Variants in QRICH2 observed in about 807,000 individuals in gnomAD.
The protein encoded by QRICH2 is glutamine-rich protein 2.
A neutral mutation model predicts 168.3 loss-of-function variants in QRICH2; 119 were observed. The ratio of observed to expected loss-of-function variants is 0.71; its 90% CI spans 0.61 to 0.82. The LOEUF is 0.82. Among genes scored for constraint, QRICH2 ranks in the 40% least tolerant of loss-of-function variants. QRICH2 has a pLI of 0.00. For synonymous variants in QRICH2, 894 were observed against 951.2 expected (o/e 0.94, Z 1.11); for missense variants, 2,241 against 2,491.6 (o/e 0.90, Z 2.14).
At chr17:76,303,335 C>T (rs1598504865) in intron 3 of QRICH2, among the ~76,000 whole-genome samples, 1 of 152,260 alleles carries the variant, frequency 6.6e-6, no homozygotes, top group East Asian at 1.9e-4. Context: ...TTACTCTTCA[C>T]CCTGCTTCCG....
rs1026096018 is a variant in QRICH2 at position 76,276,003 on chromosome 17, G to C, written c.5354-56C>G. 3 of 1,585,440 alleles carry C rather than the reference G, an allele frequency of 1.9e-6. No homozygotes were observed. The East Asian group carries it at 6.7e-5, about 36-fold the overall frequency. On this transcript the variant is annotated intron_variant, in intron 17 of 18. Coordinates refer to ENST00000680821, the MANE Select transcript of QRICH2 (RefSeq NM_001388453.1). ...CTGAGGCAGCGGTGAGAGCTCTGTGGGAACCCCTGGGGGTGGGGAGAGGGC... is the reference window on the plus strand; with the variant it reads ...CTGAGGCAGCGGTGAGAGCTCTGTGCGAACCCCTGGGGGTGGGGAGAGGGC...
In QRICH2 at chr17:76,287,722, G is replaced by A. The variant is rs957829129; in HGVS notation, c.3896+78C>T. On this transcript the variant is annotated intron_variant, in intron 6 of 18. Transcript: ENST00000680821. ...GTGGTCCATTCAGGGGCATAAGGGAGCCACTGGCCGCCATCACCTCCTTGG... is the reference window on the plus strand; with the variant it reads ...GTGGTCCATTCAGGGGCATAAGGGAACCACTGGCCGCCATCACCTCCTTGG... The A allele has an allele frequency of 3.0e-5, 30 of 1,010,226 alleles. 1 individual carries two copies. Among genetic ancestry groups the A allele is most frequent in the Non-Finnish European group, 4.6e-5 (29 of 629,754 alleles). 62.6% of individuals were successfully genotyped at this position (1,010,226 alleles called of 1,614,324 possible).
intron 7 of QRICH2, among the ~76,000 whole-genome samples, chr17:76,285,942 G>A (rs1568111761): frequency 2.0e-5 from 3 of 152,136 alleles, no homozygotes; most frequent in Admixed American, 1.3e-4. Flanking sequence ...GGAGGCCAAG[G>A]CGGGCAGATC....
chr17:76,287,105 GT>G, intron 7 of QRICH2, 86 bp downstream of exon 7: 1 of 706,228 alleles, frequency 1.4e-6, no homozygotes, highest in Non-Finnish European at 2.5e-6. Flanking sequence ...GAGGGACCTA[GT>G]TTTTGATGAG....
In QRICH2 at chr17:76,280,965, G is replaced by A. The variant is rs1340041974; in HGVS notation, c.4264-12C>T. 2 of 1,606,080 alleles carry A rather than the reference G, an allele frequency of 1.2e-6. No homozygotes were observed. The highest frequency in any genetic ancestry group is 1.3e-5 in the African/African-American group (1 of 75,022). ...AGCAGCTCCTCGTCCTGCGGCAGGA[G>A]GGATGGGAAGGCTCTCGGAGGCTGC... On this transcript the variant is annotated splice_polypyrimidine_tract_variant and intron_variant, in intron 8 of 18. Transcript: ENST00000680821. The surrounding 1 kb of genome is among the most constrained non-coding windows in gnomAD (Gnocchi z 7.4).
In QRICH2 at chr17:76,307,940, G is replaced by A; in HGVS notation, c.59C>T (p.Pro20Leu). Residue 20 changes from proline to leucine, a missense_variant, in exon 1 of 19, where the codon CCA (proline) becomes CTA (leucine). By Grantham distance (98) the Pro-to-Leu change is moderately conservative. This residue lies in a region of QRICH2 where 2,047 missense variants were observed against 2,303.8 expected (regional missense o/e 0.89). Transcript: ENST00000680821. The surrounding 1 kb of genome is among the most constrained non-coding windows in gnomAD (Gnocchi z 5.3). ...RELADLSIGTPEVGAVNFTAL... is the reference protein window; with the variant it reads ...RELADLSIGTLEVGAVNFTAL... Reference sequence around the variant, plus strand: ...CGTGAAGTTGACGGCGCCCACCTCTGGCGTGCCGATGGAGAGGTCCGCCAG... The same window carrying A: ...CGTGAAGTTGACGGCGCCCACCTCTAGCGTGCCGATGGAGAGGTCCGCCAG... 1 of 1,235,922 alleles carries A rather than the reference G, an allele frequency of 8.1e-7. No individual in the cohort carries two copies. The highest frequency in any genetic ancestry group is 1.0e-6 in the Non-Finnish European group (1 of 990,032). 76.6% of individuals were successfully genotyped at this position (1,235,922 alleles called of 1,614,324 possible). A position where few individuals can be genotyped will look rare whatever the true frequency, so the allele number is the denominator to read the frequency against.
chr17:76,306,358 C>T (rs916634257), intron 1 of QRICH2, among the ~76,000 whole-genome samples: 2 of 152,052 alleles, frequency 1.3e-5, no homozygotes, highest in Non-Finnish European at 2.9e-5. Flanking sequence ...GGGGCTTGGC[C>T]TCTTCTTCCT....
At chr17:76,295,578 G>A (rs2070782360) in intron 3 of QRICH2, among the ~76,000 whole-genome samples, 2 of 152,108 alleles carry the variant, frequency 1.3e-5, no homozygotes, top group African/African-American at 2.4e-5. Flanking sequence ...AAAAGGCAGA[G>A]GATGCAGTGA....
rs150314480 is a variant in QRICH2 at position 76,292,418 on chromosome 17, C to A, written c.2309G>T (p.Gly770Val). 1.6e-5 allele frequency: 26 copies of A among 1,611,638 alleles called. No individual in the cohort carries two copies. The African/African-American group carries it at 3.2e-4, about 20-fold the overall frequency. ...GLVQPGADQH[G>V]LVQPGVDQHG... ...CTGATCCACTCCAGGTTGGACCAAA[C>A]CATGCTGATCTGCACCAGGTTGGAC... The change falls in exon 4 of 19, where the codon GGT (glycine) becomes GTT (valine). Residue 770 changes from glycine (G) to valine (V), a missense_variant. Physicochemically the swap from Gly to Val is moderately radical, Grantham distance 109 (BLOSUM62 -3). Around this residue, in one of 3 missense-constraint regions of QRICH2, gnomAD observed 2,047 missense variants for 2,303.8 expected, o/e 0.89. Transcript: ENST00000680821.
chr17:76,275,067 C>G (rs2143097204), intron 18 of QRICH2, among the ~76,000 whole-genome samples: 2 of 152,194 alleles, frequency 1.3e-5, no homozygotes, highest in South Asian at 4.1e-4. Context: ...GAGCATCTAG[C>G]CGAGGGGCAG....
chr17:76,294,075 G>T (rs958035147), intron 3 of QRICH2, 54 bp from the exon 4 acceptor site: 1 of 1,526,162 alleles, frequency 6.6e-7, no homozygotes, highest in Non-Finnish European at 8.8e-7. Context: ...CACTATCAGA[G>T]TGGGAAGAAA....
chr17:76,308,093 G>A lies in QRICH2; in HGVS notation c.-95C>T, dbSNP rs2071019637. On this transcript the variant is annotated 5_prime_UTR_variant, in exon 1 of 19. Transcript: ENST00000680821. ...CCTTGGGGCCTTTCGGGGGCCCTGC[G>A]AGGTCCTCGGGGCGCCCCTGCCCCG... The A allele has an allele frequency of 7.4e-6, 9 of 1,224,224 alleles. No homozygotes were observed. Among genetic ancestry groups the A allele is most frequent in the Non-Finnish European group, 9.1e-6 (9 of 984,060 alleles). 75.8% of individuals were successfully genotyped at this position (1,224,224 alleles called of 1,614,324 possible).
In QRICH2 at chr17:76,293,596, G is replaced by A. The variant is rs149890857; in HGVS notation, c.1131C>T (p.Pro377=). ...TTAGATGGACCTGACTCTGGCTAGC[G>A]GGCACACTACTGGGCTGGTCTCTGG... ...PLARDQPSSV[P]ASQSQVHLRP... Residue 377 remains proline (P), a synonymous_variant, in exon 4 of 19, where the codon CCC becomes CCT. Transcript: ENST00000680821. 41 of 1,614,046 alleles carry A rather than the reference G, an allele frequency of 2.5e-5. No homozygotes were observed. Among genetic ancestry groups the A allele is most frequent in the Middle Eastern group, 3.3e-4 (2 of 6,084 alleles).
chr17:76,298,181 A>ACTTTTTTTT (rs2070833635), intron 3 of QRICH2, among the ~76,000 whole-genome samples: 1 of 84,262 alleles, frequency 1.2e-5, no homozygotes, highest in African/African-American at 5.4e-5. Flanking sequence ...TTTCTGGCTA[A>ACTTTTTTTT]TTTTTTTTTT....
intron 3 of QRICH2, among the ~76,000 whole-genome samples, chr17:76,298,712 T>C (rs944771126): frequency 6.7e-6 from 1 of 150,238 alleles, no homozygotes; most frequent in Admixed American, 6.6e-5. Flanking sequence ...GCCTCCCGGG[T>C]TCAAGCGATT....
chr17:76,286,847 C>T (rs1231722740), intron 7 of QRICH2, among the ~76,000 whole-genome samples: 2 of 147,008 alleles, frequency 1.4e-5, no homozygotes, highest in Admixed American at 1.4e-4. Flanking sequence ...TGCACTACAG[C>T]CTGGATGACG....
In QRICH2 at chr17:76,291,762, G is replaced by A. The variant is rs146865570; in HGVS notation, c.2965C>T (p.Arg989Cys). ...PGLIAPGTKL[R>C]GSSTFQADST... ...TCTGCCTGGAATGTTGAAGAGCCAC[G>A]AAGCTTTGTGCCTGGTGCTATCAAG... is the stretch of plus-strand genomic sequence containing the variant. The change falls in exon 4 of 19, where the codon CGT becomes TGT. Residue 989 changes from arginine (R) to cysteine (C), a missense_variant. Physicochemically the swap from Arg to Cys is radical, Grantham distance 180. Coordinates refer to ENST00000680821, the MANE Select transcript of QRICH2 (RefSeq NM_001388453.1). 12 of 1,614,160 alleles carry A rather than the reference G, an allele frequency of 7.4e-6. No individual in the cohort carries two copies. Among genetic ancestry groups the A allele is most frequent in the South Asian group, 4.4e-5 (4 of 91,084 alleles).
chr17:76,308,182 G>A lies in QRICH2; in HGVS notation c.-184C>T, dbSNP rs2071021099. ...GGAATCTGCGCCTCCGCTCCCCGGCGGGGTCCGCGATGGCCACCCCTCCGC... is the reference window on the plus strand; with the variant it reads ...GGAATCTGCGCCTCCGCTCCCCGGCAGGGTCCGCGATGGCCACCCCTCCGC... On this transcript the variant is annotated 5_prime_UTR_variant, in exon 1 of 19. Transcript: ENST00000680821. The A allele has an allele frequency of 1.0e-6, 1 of 985,418 alleles. No individual in the cohort carries two copies. The highest frequency in any genetic ancestry group is 1.2e-6 in the Non-Finnish European group (1 of 829,916). The allele number at this position is 985,418 out of a possible 1,614,324, so 61.0% of individuals were successfully genotyped here.
intron 4 of QRICH2, among the ~76,000 whole-genome samples, chr17:76,290,485 A>G (rs1039226186): frequency 6.6e-6 from 1 of 152,062 alleles, no homozygotes; most frequent in African/African-American, 2.4e-5. Context: ...GGCTCCAACA[A>G]TCTTCCCACC....
Sources: allele counts gnomAD v4.1 joint callset (sites outside exome capture counted in the v4.1 genomes callset), GRCh38; gene constraint gnomAD v4.1.1; regional missense constraint gnomAD v4.1.1; non-coding constraint Gnocchi (gnomAD v3.1); transcripts MANE v1.5; gene names NCBI Gene and HGNC (gene_info 2026-07-23, HGNC 2026-07-21).